RHOH: variants seen among roughly 807,000 people sequenced by gnomAD.
RHOH encodes the protein rho-related GTP-binding protein RhoH.
RHOH carries 6 observed loss-of-function variants against 13.8 expected under a neutral mutation model. That is an observed-to-expected ratio of 0.44 (90% confidence interval 0.24 to 0.86). The LOEUF is 0.86. RHOH is among the 40% of genes least tolerant of loss of function. RHOH has a pLI of 0.24. For synonymous variants in RHOH, 117 were observed against 103.0 expected (o/e 1.14, Z -0.82); for missense variants, 147 against 244.5 (o/e 0.60, Z 2.66).
intron 1 of RHOH, among the ~76,000 whole-genome samples, chr4:40,239,565 T>C (rs562089619): frequency 6.6e-6 from 1 of 152,372 alleles, no homozygotes; most frequent in African/African-American, 2.4e-5. Context: ...AATGTGTTTA[T>C]ATTATGCACC....
chr4:40,197,453 G>T (rs1358307351), intron 1 of RHOH, among the ~76,000 whole-genome samples, 153 bp downstream of exon 1: 2 of 152,008 alleles, frequency 1.3e-5, no homozygotes, highest in Non-Finnish European at 2.9e-5. Context: ...GGGGTCGGGG[G>T]GGTGAGTGTT....
chr4:40,236,582 A>G (rs966104508), intron 1 of RHOH, among the ~76,000 whole-genome samples: 9 of 152,184 alleles, frequency 5.9e-5, no homozygotes, highest in African/African-American at 1.9e-4. Context: ...CGAGGTCAGG[A>G]GATCGAGACC....
In RHOH at chr4:40,221,209, T is replaced by C. The variant is rs558753331; in HGVS notation, c.-330-21505T>C. Among the ~76,000 whole-genome samples, 20 of 152,300 alleles carry C rather than the reference T, an allele frequency of 1.3e-4. No homozygotes were observed. In the East Asian group the frequency reaches 3.5e-3, roughly 26 times the overall value. ...GAGACCTTTCCTCTGCCTGGGCCAA[T>C]GTCCTTCTCGGCAAGGGAAGATAGA... is the stretch of plus-strand genomic sequence containing the variant. On this transcript the variant is annotated intron_variant, in intron 1 of 2. Coordinates refer to ENST00000381799, the MANE Select transcript of RHOH (RefSeq NM_004310.5).
upstream of RHOH, chr4:40,192,918 A>C (rs972343886): frequency 6.6e-6 from 1 of 152,294 alleles, no homozygotes; most frequent in Non-Finnish European, 1.5e-5. Context: ...TATGCAAATC[A>C]TTTAACCAGC....
intron 1 of RHOH, among the ~76,000 whole-genome samples, chr4:40,234,005 A>G (rs943743923): frequency 6.6e-6 from 1 of 152,210 alleles, no homozygotes; most frequent in Non-Finnish European, 1.5e-5. Flanking sequence ...ATGGCCCTAC[A>G]AAACCAGGTG....
chr4:40,244,070 A>G lies in RHOH; in HGVS notation c.*108A>G. On this transcript the variant is annotated 3_prime_UTR_variant, in exon 3 of 3. Transcript: ENST00000381799. ...TGGTGTTTTCTCTGGGTACACCCCA[A>G]GCAGCGTCTCCTTTTGGATACAGTT... 1.2e-6 allele frequency: 1 copy of G among 845,830 alleles called. No homozygotes were observed. The allele number at this position is 845,830 out of a possible 1,614,324, so 52.4% of individuals were successfully genotyped here.
At chr4:40,219,077 C>T (rs973774355) in intron 1 of RHOH, among the ~76,000 whole-genome samples, 1 of 152,094 alleles carries the variant, frequency 6.6e-6, no homozygotes, top group Non-Finnish European at 1.5e-5. Context: ...GTGAGAAAGG[C>T]ATCATGGAGT....
intron 1 of RHOH, among the ~76,000 whole-genome samples, chr4:40,237,504 G>A (rs993510740): frequency 3.3e-5 from 5 of 152,284 alleles, no homozygotes; most frequent in African/African-American, 1.2e-4. Flanking sequence ...CCCAGCTGGG[G>A]AGCCCCATGG....
chr4:40,230,556 G>A (rs901836360), intron 1 of RHOH, among the ~76,000 whole-genome samples: 7 of 150,162 alleles, frequency 4.7e-5, no homozygotes. Context: ...GCTAGTTCAA[G>A]ACTATCCGCA....
rs1162554347 is a variant in RHOH, at chr4:40,244,579, A to T, written c.*617A>T. On this transcript the variant is annotated 3_prime_UTR_variant, in exon 3 of 3. Coordinates refer to ENST00000381799, the MANE Select transcript of RHOH (RefSeq NM_004310.5). ...ACAGTTGGATATAAAATACAGTTCC[A>T]TAAGATATCCTAATACTGCCTAATG... The T allele has an allele frequency of 9.9e-6, 2 of 202,112 alleles. No homozygotes were observed. The highest frequency in any genetic ancestry group is 2.2e-5 in the Non-Finnish European group (2 of 89,496). 12.5% of individuals were successfully genotyped at this position (202,112 alleles called of 1,614,324 possible).
chr4:40,237,952 G>A (rs551213124), intron 1 of RHOH, among the ~76,000 whole-genome samples: 1 of 152,056 alleles, frequency 6.6e-6, no homozygotes, highest in Non-Finnish European at 1.5e-5. Context: ...AGACTTTCTC[G>A]CAAAACCAAG....
upstream of RHOH, among the ~76,000 whole-genome samples, chr4:40,194,154 T>C (rs919123376): frequency 2.0e-5 from 3 of 152,216 alleles, no homozygotes; most frequent in Non-Finnish European, 4.4e-5. Context: ...TTAAATCTTT[T>C]AGAAACTTGG....
intron 1 of RHOH, among the ~76,000 whole-genome samples, chr4:40,206,937 G>C (rs759425190): frequency 1.3e-5 from 2 of 152,120 alleles, no homozygotes; most frequent in African/African-American, 4.8e-5. Context: ...GGCTGGGCGC[G>C]GTGGCTCATG....
At chr4:40,213,078 T>C (rs1047128475) in intron 1 of RHOH, among the ~76,000 whole-genome samples, 5 of 152,206 alleles carry the variant, frequency 3.3e-5, no homozygotes, top group Non-Finnish European at 7.3e-5. Flanking sequence ...CTCTACTTTA[T>C]GCAGGAATAG....
At chr4:40,207,078 G>A (rs557786271) in intron 1 of RHOH, among the ~76,000 whole-genome samples, 1 of 151,962 alleles carries the variant, frequency 6.6e-6, no homozygotes, top group Non-Finnish European at 1.5e-5. Context: ...ATGGTGGCAG[G>A]CACCTTTAAT....
intron 1 of RHOH, among the ~76,000 whole-genome samples, chr4:40,230,997 G>C (rs1459643505): frequency 6.6e-6 from 1 of 152,106 alleles, no homozygotes; most frequent in Non-Finnish European, 1.5e-5. Context: ...CATACAGGAA[G>C]CACTTCTTCA....
chr4:40,227,217 A>G (rs1029746295), intron 1 of RHOH, among the ~76,000 whole-genome samples: 2 of 152,176 alleles, frequency 1.3e-5, no homozygotes, highest in African/African-American at 4.8e-5. Flanking sequence ...TTTTGAGTAA[A>G]AAGCCATCAG....
chr4:40,210,404 G>A (rs7667289), intron 1 of RHOH, among the ~76,000 whole-genome samples: 1 of 152,158 alleles, frequency 6.6e-6, no homozygotes, highest in African/African-American at 2.4e-5. Context: ...GATTGCTGCA[G>A]CTTCTAGCCA....
intron 1 of RHOH, among the ~76,000 whole-genome samples, chr4:40,204,046 A>G (rs1362942434): frequency 6.6e-6 from 1 of 152,242 alleles, no homozygotes; most frequent in Non-Finnish European, 1.5e-5. Context: ...AAATAGTAAT[A>G]ACAATTAGAC....
Sources: gnomAD v4.1 joint callset for allele counts (sites outside exome capture counted in the v4.1 genomes callset) on GRCh38, gnomAD v4.1.1 for gene constraint, MANE v1.5 for transcripts, NCBI Gene and HGNC (gene_info 2026-07-23, HGNC 2026-07-21) for gene names.